The following COL6A3 variants were observed in gnomAD, a reference collection of about 807,000 sequenced individuals.
The protein encoded by COL6A3 is collagen alpha-3(VI) chain.
A neutral mutation model predicts 274.1 loss-of-function variants in COL6A3; 137 were observed. The ratio of observed to expected loss-of-function variants is 0.50; its 90% CI spans 0.44 to 0.58. The LOEUF (loss-of-function observed/expected upper bound fraction) is 0.58, where lower values mean the gene tolerates loss of function less well. COL6A3 is among the 20% of genes least tolerant of loss of function. The probability of loss-of-function intolerance (pLI) is 0.00; values close to 1 mark genes in which losing one functional copy is unlikely to be tolerated. For missense variants in COL6A3, 3,950 were observed against 4,124.9 expected (o/e 0.96, Z 1.16); for synonymous variants, 1,650 against 1,650.6 (o/e 1.00, Z 0.01).
In COL6A3 at chr2:237,378,713, G is replaced by T; in HGVS notation, c.2420C>A (p.Ala807Asp). The change falls in exon 6 of 44, where the codon GCT becomes GAT. Residue 807 changes from alanine (A) to aspartate (D), a missense_variant. Ala to Asp is a moderately radical substitution (Grantham distance 126). Transcript: ENST00000295550. The stretch of plus-strand genomic sequence containing the variant: ...GGGCTGAATCAGCTGCTGAGGCAAA[G>T]CTGGCAGGGAGCTGAAATCATCCAT... The part of the protein sequence containing the change: ...YLMDDFSSLP[A>D]LPQQLIQPLT... 6.2e-7 allele frequency: 1 copy of T among 1,613,958 alleles called. No homozygotes were observed.
intron 39 of COL6A3, among the ~76,000 whole-genome samples, chr2:237,337,787 G>C (rs897204342): frequency 6.6e-6 from 1 of 152,130 alleles, no homozygotes; most frequent in Non-Finnish European, 1.5e-5. Flanking sequence ...TTGCTCCTAG[G>C]GTTGGCACCC....
chr2:237,376,752 C>T lies in COL6A3; in HGVS notation c.3070+20G>A, dbSNP rs1306989877. On this transcript the variant is annotated intron_variant, in intron 7 of 43. Transcript: ENST00000295550. ...ATTAGAGAACTGAGTGGCAGAGCAA[C>T]TAGCATTTCTCTACCATACCTGGTG... 3 of 1,611,040 alleles carry T rather than the reference C, an allele frequency of 1.9e-6. No individual in the cohort carries two copies.
intron 23 of COL6A3, chr2:237,356,881 T>C (rs1050466995): frequency 5.9e-5 from 13 of 219,462 alleles, no homozygotes; most frequent in South Asian, 2.4e-4. Flanking sequence ...AATTGCAAGA[T>C]GCAATACGCC....
At chr2:237,353,099 G>C (rs919661908) in intron 25 of COL6A3, among the ~76,000 whole-genome samples, 1 of 152,146 alleles carries the variant, frequency 6.6e-6, no homozygotes, top group Non-Finnish European at 1.5e-5. Context: ...AGAGATTAGT[G>C]GTTTCCAGGG....
chr2:237,344,683 C>T lies in COL6A3; in HGVS notation c.7335G>A (p.Val2445=). 2.5e-6 allele frequency: 4 copies of T among 1,610,648 alleles called. No homozygotes were observed. Among genetic ancestry groups the T allele is most frequent in the East Asian group, 2.2e-5 (1 of 44,828 alleles). The part of the protein sequence containing the change: ...AESNCPRGAR[V]AVVTYNNEVT... ...CCTCGTTGTTGTAGGTGACCACAGC[C>T]ACCCGGGCCCCCCGTGGGCAGTTGC... The change falls in exon 36 of 44, where the codon GTG becomes GTA. Residue 2445 remains valine (V), a synonymous_variant. Coordinates refer to ENST00000295550, the MANE Select transcript of COL6A3 (RefSeq NM_004369.4). This position sits in a 1 kb window ranked among gnomAD's most constrained non-coding sequence, Gnocchi z 4.8.
intron 40 of COL6A3, among the ~76,000 whole-genome samples, chr2:237,335,899 C>G (rs911953181): frequency 6.6e-6 from 1 of 152,220 alleles, no homozygotes; most frequent in African/African-American, 2.4e-5. Context: ...CCCCCACTGA[C>G]ATTCCAGAGA....
Position 237,361,450 on chromosome 2 carries a change from G to A in COL6A3, c.6157-276C>T, listed in dbSNP as rs190646557. Among the ~76,000 whole-genome samples the A allele has an allele frequency of 5.3e-5, 8 of 152,264 alleles. No homozygotes were observed. The East Asian group carries it at 9.6e-4, about 18-fold the overall frequency. On this transcript the variant is annotated intron_variant, in intron 15 of 43. Coordinates refer to ENST00000295550, the MANE Select transcript of COL6A3 (RefSeq NM_004369.4). This position sits in a 1 kb window ranked among gnomAD's most constrained non-coding sequence, Gnocchi z 5.1. ...TCGCAGCCAGGCTGCTGTCAGGGAC[G>A]CCAGCTGCCTTTAACATTATTTTAT... is the stretch of plus-strand genomic sequence containing the variant.
Position 237,366,919 on chromosome 2 carries a change from C to A in COL6A3, c.5268G>T (p.Val1756=). Residue 1756 remains valine (V), a synonymous_variant, in exon 11 of 44, where the codon GTG becomes GTT. Coordinates refer to ENST00000295550, the MANE Select transcript of COL6A3 (RefSeq NM_004369.4). ...CCAGGCTCACATCCTGTGCATCTTC[C>A]ACCGACTTTCCTCCCGTGATCACAA... The part of the protein sequence containing the change: ...IAFVITGGKS[V]EDAQDVSLAL... 6.2e-7 allele frequency: 1 copy of A among 1,614,232 alleles called. No individual in the cohort carries two copies. The highest frequency in any genetic ancestry group is 1.7e-5 in the Admixed American group (1 of 60,028).
Position 237,388,137 on chromosome 2 carries a change from T to C in COL6A3, c.757A>G (p.Thr253Ala), listed in dbSNP as rs746548373. 2 of 1,614,164 alleles carry C rather than the reference T, an allele frequency of 1.2e-6. No individual in the cohort carries two copies. Among genetic ancestry groups the C allele is most frequent in the Non-Finnish European group, 1.7e-6 (2 of 1,180,022 alleles). The change falls in exon 4 of 44, where the codon ACC becomes GCC. Residue 253 changes from threonine (T) to alanine (A), a missense_variant. Thr to Ala is a moderately conservative substitution (Grantham distance 58). This residue lies in a region of COL6A3 where 1,934 missense variants were observed against 1,984.3 expected (regional missense o/e 0.97). Transcript: ENST00000295550. ...IIFLIDGSNN[T>A]GSVNFAVILD... ...ATGACTGCGAAATTGACACTTCCGG[T>C]GTTGTTTGATCCATCAATAAGGAAA...
chr2:237,348,747 G>A, intron 28 of COL6A3, 84 bp from the exon 29 acceptor site: 1 of 1,219,306 alleles, frequency 8.2e-7, no homozygotes, highest in East Asian at 2.3e-5. Context: ...CTGCCCCTGA[G>A]AAGTGGATCC....
At position 237,364,963 on chromosome 2, in the gene COL6A3, A is replaced by C. The variant is rs1312634000; in HGVS notation, c.5839-535T>G. 1.3e-5 allele frequency among the ~76,000 whole-genome samples: 2 copies of C among 151,632 alleles called. No individual in the cohort carries two copies. Among genetic ancestry groups the C allele is most frequent in the Admixed American group, 6.6e-5 (1 of 15,156 alleles). ...CATGTGTGCATGTGTTATGGGCTAA[A>C]TTGTGTCCCCTCAAAATTTGTATGT... On this transcript the variant is annotated intron_variant, in intron 12 of 43. Transcript: ENST00000295550. This position sits in a 1 kb window ranked among gnomAD's most constrained non-coding sequence, Gnocchi z 4.6.
intron 12 of COL6A3, 56 bp downstream of exon 12, chr2:237,365,642 C>A: frequency 1.3e-6 from 2 of 1,497,008 alleles, no homozygotes; most frequent in Non-Finnish European, 1.9e-6. Context: ...TTCCTCCTTT[C>A]CAGTAAAAAT....
intron 1 of COL6A3, among the ~76,000 whole-genome samples, chr2:237,397,149 GGAAGA>G (rs778850926): frequency 4.0e-5 from 6 of 149,392 alleles, no homozygotes; most frequent in Non-Finnish European, 7.4e-5. Context: ...AGAAGGGAAG[GGAAGA>G]GAAGGGAAGG....
chr2:237,395,191 A>C lies in COL6A3; in HGVS notation c.105T>G (p.Gly35=). The change falls in exon 3 of 44, where the codon GGT becomes GGG. Residue 35 remains glycine, a synonymous_variant. Transcript: ENST00000295550. The stretch of plus-strand genomic sequence containing the variant: ...CTAGAAATATTATATCAGCAGCCGC[A>C]CCATTTTTGACATCTTTAAAAAAAG... ...AQQQQADVKN[G]AAADIIFLVD... is the part of the protein sequence containing the mutation. The C allele has an allele frequency of 1.2e-6, 2 of 1,613,328 alleles. No individual in the cohort carries two copies. The highest frequency in any genetic ancestry group is 3.3e-4 in the Middle Eastern group (2 of 6,062).
Position 237,364,570 on chromosome 2 carries a change from C to T in COL6A3, c.5839-142G>A. On this transcript the variant is annotated intron_variant, in intron 12 of 43. Coordinates refer to ENST00000295550, the MANE Select transcript of COL6A3 (RefSeq NM_004369.4). This position sits in a 1 kb window ranked among gnomAD's most constrained non-coding sequence, Gnocchi z 4.6. ...GAGGGCCCAAGTTGAGGAATGATTA[C>T]CCATGTTCACAAGACTTTGATATTG... 2.8e-6 allele frequency: 2 copies of T among 709,434 alleles called. No individual in the cohort carries two copies. The highest frequency in any genetic ancestry group is 5.1e-6 in the Non-Finnish European group (2 of 393,694). The allele number at this position is 709,434 out of a possible 1,614,324, so 43.9% of individuals were successfully genotyped here. A position where few individuals can be genotyped will look rare whatever the true frequency, so the allele number is the denominator to read the frequency against.
rs983694959 is a variant in COL6A3, at chr2:237,378,743, T to C, written c.2390A>G (p.Tyr797Cys). ...CAGGGAGCTGAAATCATCCATGAGA[T>C]ACACCAGGCTTGGGTTAAAAGCAAT... ...EQIAFNPSLV[Y>C]LMDDFSSLPA... The change falls in exon 6 of 44, where the codon TAT becomes TGT. Residue 797 changes from tyrosine (Y) to cysteine (C), a missense_variant. Tyr to Cys is a radical substitution (Grantham distance 194, BLOSUM62 -2). Coordinates refer to ENST00000295550, the MANE Select transcript of COL6A3 (RefSeq NM_004369.4). 6.2e-7 allele frequency: 1 copy of C among 1,614,166 alleles called. No individual in the cohort carries two copies. The highest frequency in any genetic ancestry group is 8.5e-7 in the Non-Finnish European group (1 of 1,180,042).
rs886044392 is a variant in COL6A3, at chr2:237,347,863, G to C, written c.6973C>G (p.Pro2325Ala). 8.7e-6 allele frequency: 14 copies of C among 1,609,674 alleles called. No individual in the cohort carries two copies. The highest frequency in any genetic ancestry group is 1.3e-5 in the African/African-American group (1 of 74,992). ...FPGYPGPKGN[P>A]GEPGLNGTTG... is the part of the protein sequence containing the mutation. ...GTTCCATTTAGCCCAGGTTCACCTGGGTTACCCTGGGAAGAAAGCCGAGAA... is the reference window on the plus strand; with the variant it reads ...GTTCCATTTAGCCCAGGTTCACCTGCGTTACCCTGGGAAGAAAGCCGAGAA... Residue 2325 changes from proline to alanine, a missense_variant, in exon 31 of 44, where the codon CCA becomes GCA. This residue lies in a region of COL6A3 where 1,284 missense variants were observed against 1,349.7 expected (regional missense o/e 0.95). Coordinates refer to ENST00000295550, the MANE Select transcript of COL6A3 (RefSeq NM_004369.4).
chr2:237,367,095 T>C lies in COL6A3; in HGVS notation c.5092A>G (p.Thr1698Ala), dbSNP rs762789220. 12 of 1,614,200 alleles carry C rather than the reference T, an allele frequency of 7.4e-6. No individual in the cohort carries two copies. In the Middle Eastern group the frequency reaches 4.9e-4, roughly 67 times the overall value. ...TDEFFLKDFS[T>A]KRQIIDAINK... ...ATGGCGTCAATAATCTGCCTCTTGG[T>C]AGAGAAGTCCTTCAGGAAGAATTCG... The change falls in exon 11 of 44, where the codon ACC becomes GCC. Residue 1698 changes from threonine to alanine, a missense_variant. Coordinates refer to ENST00000295550, the MANE Select transcript of COL6A3 (RefSeq NM_004369.4).
intron 3 of COL6A3, among the ~76,000 whole-genome samples, chr2:237,388,526 T>C (rs1449768153): frequency 6.6e-6 from 1 of 152,200 alleles, no homozygotes; most frequent in Non-Finnish European, 1.5e-5. Flanking sequence ...GAGGGAAAAG[T>C]AGTAGCATGA....
Sources: allele counts gnomAD v4.1 joint callset (sites outside exome capture counted in the v4.1 genomes callset), GRCh38; gene constraint gnomAD v4.1.1; regional missense constraint gnomAD v4.1.1; non-coding constraint Gnocchi (gnomAD v3.1); transcripts MANE v1.5; gene names NCBI Gene and HGNC (gene_info 2026-07-23, HGNC 2026-07-21).